The following GNA12 variants were observed in gnomAD, a reference collection of about 807,000 sequenced individuals.
GNA12 encodes guanine nucleotide-binding protein subunit alpha-12.
In GNA12, 9 loss-of-function variants were observed where a neutral mutation model predicts 26.0. The ratio of observed to expected loss-of-function variants is 0.35; its 90% CI spans 0.21 to 0.60. The LOEUF is 0.60. Among genes scored for constraint, GNA12 ranks in the 20% least tolerant of loss-of-function variants. The pLI, the probability that GNA12 is intolerant of heterozygous loss-of-function variation, is 0.78. For synonymous variants in GNA12, 264 were observed against 219.6 expected (o/e 1.20, Z -1.79); for missense variants, 405 against 525.8 (o/e 0.77, Z 2.25).
intron 2 of GNA12, among the ~76,000 whole-genome samples, chr7:2,744,633 C>G (rs998970815): frequency 6.6e-6 from 1 of 152,190 alleles, no homozygotes; most frequent in Non-Finnish European, 1.5e-5. Flanking sequence ...CAAAGGAACG[C>G]AGCTCCTCAC....
At chr7:2,743,992 A>G (rs924185403) in intron 2 of GNA12, among the ~76,000 whole-genome samples, 1 of 152,206 alleles carries the variant, frequency 6.6e-6, no homozygotes. Context: ...ACCATTGCCG[A>G]GACTTGATTA....
chr7:2,767,451 A>G (rs973628738), intron 2 of GNA12, among the ~76,000 whole-genome samples: 2 of 152,254 alleles, frequency 1.3e-5, no homozygotes, highest in Admixed American at 6.5e-5. Context: ...AAAAATAGCT[A>G]TGCTGCATTC....
At chr7:2,776,439 C>T (rs887368834) in intron 2 of GNA12, among the ~76,000 whole-genome samples, 47 of 152,346 alleles carry the variant, frequency 3.1e-4, no homozygotes, top group African/African-American at 9.6e-4. Context: ...GCATCCTCCT[C>T]GGAGTGAGTC....
intron 2 of GNA12, among the ~76,000 whole-genome samples, chr7:2,768,445 G>A (rs1791861692): frequency 1.3e-5 from 2 of 152,080 alleles, no homozygotes; most frequent in Admixed American, 1.3e-4. Flanking sequence ...AGAGAACTCA[G>A]AAAAACACTA....
At position 2,808,976 on chromosome 7, in the gene GNA12, G is replaced by A. The variant is rs371598648; in HGVS notation, c.310-13833C>T. ...AACCCTTTGCCCCGGATAGCCGCAC[G>A]GCTCACTTCCTCAATGCTCAGTGAG... On this transcript the variant is annotated intron_variant, in intron 1 of 3. Transcript: ENST00000275364. Among the ~76,000 whole-genome samples the A allele has an allele frequency of 1.4e-3, 218 of 152,252 alleles. 1 individual carries two copies. Among genetic ancestry groups the A allele is most frequent in the African/African-American group, 4.7e-3 (194 of 41,532 alleles).
chr7:2,793,156 C>A (rs1792562763), intron 2 of GNA12, among the ~76,000 whole-genome samples: 1 of 152,212 alleles, frequency 6.6e-6, no homozygotes, highest in Admixed American at 6.5e-5. Flanking sequence ...CTGGCCAGTG[C>A]TCTGGACATG....
chr7:2,780,093 T>TATATATAC (rs57390413), intron 2 of GNA12, among the ~76,000 whole-genome samples: 1 of 130,136 alleles, frequency 7.7e-6, no homozygotes, highest in Non-Finnish European at 1.6e-5. Flanking sequence ...TATATATATA[T>TATATATAC]GCCTGTTTTC....
chr7:2,799,192 G>A (rs138997331), intron 1 of GNA12, among the ~76,000 whole-genome samples: 1 of 152,186 alleles, frequency 6.6e-6, no homozygotes, highest in East Asian at 1.9e-4. Context: ...TTAAGAGGCT[G>A]AAAAGAAGCT....
intron 1 of GNA12, among the ~76,000 whole-genome samples, chr7:2,826,035 G>A (rs989842494): frequency 6.6e-6 from 1 of 152,084 alleles, no homozygotes; most frequent in African/African-American, 2.4e-5. Flanking sequence ...CTCATTCCCT[G>A]CTCTGGGAAT....
Position 2,836,695 on chromosome 7 carries a change from G to A in GNA12, c.309+7158C>T, listed in dbSNP as rs183330347. On this transcript the variant is annotated intron_variant, in intron 1 of 3. Coordinates refer to ENST00000275364, the MANE Select transcript of GNA12 (RefSeq NM_007353.3). ...TCCCAGCACTTTGGGAGGCCGAGGC[G>A]GGTGGATCACCTGAGGTCAGGAGTT... is the stretch of plus-strand genomic sequence containing the variant. Among the ~76,000 whole-genome samples the A allele has an allele frequency of 1.7e-3, 262 of 152,050 alleles. 1 individual carries two copies. Among genetic ancestry groups the A allele is most frequent in the African/African-American group, 6.0e-3 (248 of 41,352 alleles).
intron 1 of GNA12, among the ~76,000 whole-genome samples, chr7:2,808,595 C>G (rs763964286): frequency 1.3e-5 from 2 of 152,210 alleles, no homozygotes; most frequent in Non-Finnish European, 2.9e-5. Context: ...ATGCACCATC[C>G]TGAGGTCTGG....
chr7:2,793,156 C>T (rs1792562763), intron 2 of GNA12, among the ~76,000 whole-genome samples: 1 of 152,212 alleles, frequency 6.6e-6, no homozygotes, highest in Non-Finnish European at 1.5e-5. Flanking sequence ...CTGGCCAGTG[C>T]TCTGGACATG....
At chr7:2,840,999 G>A (rs933778092) in intron 1 of GNA12, among the ~76,000 whole-genome samples, 1 of 152,218 alleles carries the variant, frequency 6.6e-6, no homozygotes, top group Non-Finnish European at 1.5e-5. Context: ...AAATGGTCAC[G>A]ACACATGAAG....
In GNA12 at chr7:2,840,552, G is replaced by A. The variant is rs79144873; in HGVS notation, c.309+3301C>T. 8.6e-3 allele frequency among the ~76,000 whole-genome samples: 1,305 copies of A among 152,280 alleles called. 30 individuals are homozygous for A. Among genetic ancestry groups the A allele is most frequent in the African/African-American group, 0.03 (1,251 of 41,562 alleles). ...TGTCCAGTACTAAAGGCACTGCAGA[G>A]CAATTTATTTAAAGTCCCTTCCCTG... On this transcript the variant is annotated intron_variant, in intron 1 of 3. Coordinates refer to ENST00000275364, the MANE Select transcript of GNA12 (RefSeq NM_007353.3).
intron 2 of GNA12, among the ~76,000 whole-genome samples, chr7:2,744,339 G>C (rs556348332): frequency 6.6e-6 from 1 of 152,292 alleles, no homozygotes; most frequent in East Asian, 1.9e-4. Context: ...GGAACGATCA[G>C]GCAGCAGCAT....
At chr7:2,733,816 C>G (rs1277838708) in intron 2 of GNA12, among the ~76,000 whole-genome samples, 1 of 152,178 alleles carries the variant, frequency 6.6e-6, no homozygotes, top group Non-Finnish European at 1.5e-5. Flanking sequence ...GACATGAAGG[C>G]TGGCCCACTC....
At chr7:2,739,467 A>G (rs1162738837) in intron 2 of GNA12, among the ~76,000 whole-genome samples, 2 of 148,220 alleles carry the variant, frequency 1.3e-5, no homozygotes, top group African/African-American at 5.0e-5. Context: ...GCAACATTCC[A>G]TTTTACGGCC....
In GNA12 at chr7:2,843,839, G is replaced by A. The variant is rs764734685; in HGVS notation, c.309+14C>T. On this transcript the variant is annotated intron_variant, in intron 1 of 3. Transcript: ENST00000275364. ...CCACCTGGGTGCAGGTGCTGGGCGG[G>A]GGGCGCGCGTCACCTTGAGGATGTT... 13 of 1,434,282 alleles carry A rather than the reference G, an allele frequency of 9.1e-6. No homozygotes were observed. The South Asian group carries it at 1.2e-4, about 14-fold the overall frequency. The allele number at this position is 1,434,282 out of a possible 1,614,324, so 88.8% of individuals were successfully genotyped here.
At chr7:2,750,918 A>G (rs1791004093) in intron 2 of GNA12, among the ~76,000 whole-genome samples, 1 of 152,232 alleles carries the variant, frequency 6.6e-6, no homozygotes, top group Non-Finnish European at 1.5e-5. Context: ...ACAGATGGGA[A>G]CAGAAGCGAG....
Sources: gnomAD v4.1 joint callset for allele counts (sites outside exome capture counted in the v4.1 genomes callset) on GRCh38, gnomAD v4.1.1 for gene constraint, MANE v1.5 for transcripts, NCBI Gene and HGNC (gene_info 2026-07-23, HGNC 2026-07-21) for gene names.